GPC6: variants seen among roughly 807,000 people sequenced by gnomAD.
The protein encoded by GPC6 is glypican-6.
GPC6 carries 14 observed loss-of-function variants against 55.2 expected under a neutral mutation model. The ratio of observed to expected loss-of-function variants is 0.25; its 90% confidence interval spans 0.17 to 0.40. GPC6 has a LOEUF of 0.40. GPC6 is among the 10% of genes least tolerant of loss of function. The pLI, the probability that GPC6 is intolerant of heterozygous loss-of-function variation, is 1.00. For missense variants in GPC6, 641 were observed against 708.5 expected (o/e 0.90, Z 1.08); for synonymous variants, 278 against 259.6 (o/e 1.07, Z -0.68).
intron 1 of GPC6, among the ~76,000 whole-genome samples, chr13:93,324,039 C>T (rs2139126686): frequency 6.6e-6 from 1 of 152,176 alleles, no homozygotes; most frequent in South Asian, 2.1e-4. Context: ...TTGGAAGCAA[C>T]CTAAGTGTCC....
At chr13:93,866,851 T>G (rs1470442366) in intron 3 of GPC6, among the ~76,000 whole-genome samples, 1 of 151,772 alleles carries the variant, frequency 6.6e-6, no homozygotes, top group Non-Finnish European at 1.5e-5. Flanking sequence ...AACCTGCACA[T>G]GTACCCCTGA....
At chr13:93,830,612 TAAAAAAAAAAAAA>T (rs369020255) in intron 3 of GPC6, 67 bp downstream of exon 3, 2 of 326,450 alleles carry the variant, frequency 6.1e-6, no homozygotes, top group East Asian at 1.1e-4. Context: ...AACCAATGTT[TAAAAAAAAAAAAA>T]AAAAAAAAAA....
At chr13:93,746,393 G>A (rs1466881338) in intron 2 of GPC6, among the ~76,000 whole-genome samples, 1 of 152,164 alleles carries the variant, frequency 6.6e-6, no homozygotes, top group Admixed American at 6.5e-5. Context: ...CCAAGACAAC[G>A]CCAAGATTCA....
At chr13:93,226,596 A>G (rs1566530667), upstream of GPC6, 1 of 152,230 alleles carries the variant, frequency 6.6e-6, no homozygotes, top group East Asian at 1.9e-4. Context: ...TAACATGTTA[A>G]TGACTTAAAA....
chr13:93,358,890 A>AT (rs1388568927), intron 1 of GPC6, among the ~76,000 whole-genome samples: 1 of 151,936 alleles, frequency 6.6e-6, no homozygotes, highest in Non-Finnish European at 1.5e-5. Flanking sequence ...GTAATAGATG[A>AT]TTAATAGGGG....
chr13:93,696,552 T>TTTTTTTA (rs1882459796), intron 2 of GPC6, among the ~76,000 whole-genome samples: 1 of 150,276 alleles, frequency 6.7e-6, no homozygotes, highest in Non-Finnish European at 1.5e-5. Flanking sequence ...CTTTTTTTTT[T>TTTTTTTA]AAAAAACAAA....
intron 4 of GPC6, among the ~76,000 whole-genome samples, chr13:94,048,427 C>T (rs1182629720): frequency 6.6e-6 from 1 of 151,602 alleles, no homozygotes; most frequent in Non-Finnish European, 1.5e-5. Flanking sequence ...TAGTAAAAGC[C>T]TGACTTGCAA....
intron 1 of GPC6, among the ~76,000 whole-genome samples, chr13:93,330,776 T>C (rs555864843): frequency 4.7e-4 from 71 of 152,326 alleles, no homozygotes; most frequent in Non-Finnish European, 6.5e-4. Context: ...CATTCTTCCA[T>C]CTCTGCTGGC....
At chr13:93,368,243 C>T (rs1242926558) in intron 1 of GPC6, among the ~76,000 whole-genome samples, 2 of 151,238 alleles carry the variant, frequency 1.3e-5, no homozygotes, top group African/African-American at 2.4e-5. Context: ...TCCCTCCGTC[C>T]CTCCCTACTC....
intron 2 of GPC6, among the ~76,000 whole-genome samples, chr13:93,712,052 G>A (rs1455907319): frequency 6.6e-6 from 1 of 151,658 alleles, no homozygotes; most frequent in Non-Finnish European, 1.5e-5. Context: ...CTTTTCAAAG[G>A]AAAATCCTTG....
chr13:93,582,333 A>G (rs912450481), intron 2 of GPC6, among the ~76,000 whole-genome samples: 5 of 152,340 alleles, frequency 3.3e-5, no homozygotes, highest in African/African-American at 1.2e-4. Context: ...AAAAAGCTGT[A>G]TGCTCTGGAA....
At chr13:94,118,426 T>C (rs907787208) in intron 4 of GPC6, among the ~76,000 whole-genome samples, 7 of 152,132 alleles carry the variant, frequency 4.6e-5, no homozygotes, top group Non-Finnish European at 4.4e-5. Context: ...CATTCCTTTA[T>C]AAATTACCCA....
chr13:94,096,939 T>C (rs1187631005), intron 4 of GPC6, among the ~76,000 whole-genome samples: 2 of 152,134 alleles, frequency 1.3e-5, no homozygotes, highest in African/African-American at 4.8e-5. Flanking sequence ...TGTGGACATG[T>C]AAAGCCATCA....
intron 1 of GPC6, among the ~76,000 whole-genome samples, chr13:93,413,368 T>C (rs1876583099): frequency 6.6e-6 from 1 of 152,152 alleles, no homozygotes; most frequent in Admixed American, 6.6e-5. Context: ...TACATGACTG[T>C]GTATAACCCT....
chr13:93,359,612 T>G (rs1288861925), intron 1 of GPC6, among the ~76,000 whole-genome samples: 5 of 152,202 alleles, frequency 3.3e-5, no homozygotes. Context: ...TAAATATAGT[T>G]AAGTATATTT....
chr13:93,819,902 A>G (rs1172573258), intron 2 of GPC6, among the ~76,000 whole-genome samples: 1 of 152,252 alleles, frequency 6.6e-6, no homozygotes, highest in East Asian at 1.9e-4. Flanking sequence ...ATCACTAAGA[A>G]TAGAAAAAGT....
At chr13:93,635,137 C>A (rs1046905302) in intron 2 of GPC6, among the ~76,000 whole-genome samples, 2 of 151,156 alleles carry the variant, frequency 1.3e-5, no homozygotes, top group African/African-American at 4.9e-5. Context: ...TGGCATAATA[C>A]AGCTTTTTTT....
chr13:93,400,354 TACAGAGTCCCTGTTCTCATAGG>T (rs1876024397), intron 1 of GPC6, among the ~76,000 whole-genome samples: 1 of 126,818 alleles, frequency 7.9e-6, no homozygotes, highest in African/African-American at 2.8e-5. Flanking sequence ...AAAAAAAAAA[TACAGAGTCCCTGTTCTCATAGG>T]ACTTAGAATC....
rs141290114 is a variant in GPC6 at position 93,720,501 on chromosome 13, A to G, written c.320-109653A>G. Among the ~76,000 whole-genome samples the G allele has an allele frequency of 4.0e-4, 61 of 151,736 alleles. 1 individual carries two copies. The highest frequency in any genetic ancestry group is 3.4e-3 in the Middle Eastern group (1 of 294). ...GGCTAGCAGTCCATCTATTTTGTTA[A>G]TCTTTTCAAGAAACAGCTCCTGGAT... On this transcript the variant is annotated intron_variant, in intron 2 of 8. Transcript: ENST00000377047.
Sources: allele counts gnomAD v4.1 joint callset (sites outside exome capture counted in the v4.1 genomes callset), GRCh38; gene constraint gnomAD v4.1.1; transcripts MANE v1.5; gene names NCBI Gene and HGNC (gene_info 2026-07-23, HGNC 2026-07-21).